Variants in PACRG observed in about 807,000 individuals in gnomAD.
PACRG encodes parkin coregulated gene protein.
Under a neutral mutation model 29.7 loss-of-function variants are expected in PACRG, and 29 were observed. The observed-to-expected ratio is 0.98, with a 90% CI of 0.73 to 1.33. The LOEUF is 1.33. PACRG is among the 40% of genes most tolerant of loss of function. The probability of loss-of-function intolerance (pLI) is 0.00; values close to 1 mark genes in which losing one functional copy is unlikely to be tolerated. For synonymous variants in PACRG, 116 were observed against 118.7 expected (o/e 0.98, Z 0.15); for missense variants, 279 against 316.2 (o/e 0.88, Z 0.89).
intron 2 of PACRG, among the ~76,000 whole-genome samples, chr6:162,829,868 C>T (rs1199357417): frequency 6.6e-6 from 1 of 152,114 alleles, no homozygotes; most frequent in Non-Finnish European, 1.5e-5. Context: ...GCTGTCCTGA[C>T]CCTGTCATCA....
intron 4 of PACRG, among the ~76,000 whole-genome samples, chr6:163,275,916 C>T (rs1784005991): frequency 6.6e-6 from 1 of 152,148 alleles, no homozygotes; most frequent in Non-Finnish European, 1.5e-5. Context: ...CACTGGGACA[C>T]TGTTCCCGGC....
chr6:162,978,928 A>G (rs900403201), intron 2 of PACRG, among the ~76,000 whole-genome samples: 6 of 152,184 alleles, frequency 3.9e-5, no homozygotes, highest in African/African-American at 1.4e-4. Flanking sequence ...TTCCCGGATA[A>G]AGGTAGCTGA....
At chr6:163,130,381 C>T (rs955808365) in intron 4 of PACRG, among the ~76,000 whole-genome samples, 1 of 152,146 alleles carries the variant, frequency 6.6e-6, no homozygotes, top group African/African-American at 2.4e-5. Context: ...CCTCCCTTGG[C>T]CTTAAGTCAG....
At chr6:162,751,428 C>A (rs1449182434) in intron 1 of PACRG, among the ~76,000 whole-genome samples, 1 of 152,062 alleles carries the variant, frequency 6.6e-6, no homozygotes, top group African/African-American at 2.4e-5. Context: ...TGCTGTAATT[C>A]AGTTCAACTG....
At chr6:162,785,725 A>T (rs1023027384) in intron 1 of PACRG, among the ~76,000 whole-genome samples, 1 of 152,210 alleles carries the variant, frequency 6.6e-6, no homozygotes, top group African/African-American at 2.4e-5. Context: ...AAGAGAATCT[A>T]ATGCTACCAC....
chr6:162,931,233 G>A (rs1330788585), intron 2 of PACRG, among the ~76,000 whole-genome samples: 1 of 151,812 alleles, frequency 6.6e-6, no homozygotes, highest in Non-Finnish European at 1.5e-5. Context: ...TTTATCAGAT[G>A]TATGCTTTGC....
intron 4 of PACRG, among the ~76,000 whole-genome samples, chr6:163,262,872 C>A (rs929872029): frequency 3.4e-5 from 5 of 148,920 alleles, no homozygotes; most frequent in African/African-American, 1.2e-4. Context: ...TGAGACCCCC[C>A]CCCCCATGTC....
At chr6:163,070,281 T>C (rs550363775) in intron 3 of PACRG, among the ~76,000 whole-genome samples, 3 of 152,216 alleles carry the variant, frequency 2.0e-5, no homozygotes, top group African/African-American at 7.2e-5. Context: ...GCACTGTTAT[T>C]GTGGTGTACA....
chr6:163,018,269 T>C (rs545346823), intron 2 of PACRG, among the ~76,000 whole-genome samples: 12 of 152,324 alleles, frequency 7.9e-5, no homozygotes, highest in Admixed American at 3.9e-4. Flanking sequence ...CAAAGCATTA[T>C]AGCCATACTT....
intron 4 of PACRG, among the ~76,000 whole-genome samples, chr6:163,296,248 C>T (rs1328187161): frequency 1.3e-5 from 2 of 152,090 alleles, no homozygotes; most frequent in African/African-American, 4.8e-5. Context: ...ACAATCATAA[C>T]AGGACTTAAA....
intron 4 of PACRG, among the ~76,000 whole-genome samples, chr6:163,177,017 G>A (rs1779393417): frequency 6.6e-6 from 1 of 152,162 alleles, no homozygotes; most frequent in Non-Finnish European, 1.5e-5. Context: ...GAGTTGAGGT[G>A]GATTCAGGTG....
At chr6:163,186,470 G>A (rs960745233) in intron 4 of PACRG, among the ~76,000 whole-genome samples, 9 of 152,048 alleles carry the variant, frequency 5.9e-5, no homozygotes, top group Non-Finnish European at 8.8e-5. Flanking sequence ...TTCTAAACTT[G>A]CCACCTCTGT....
intron 4 of PACRG, among the ~76,000 whole-genome samples, chr6:163,294,451 A>G (rs1784720050): frequency 6.6e-6 from 1 of 152,208 alleles, no homozygotes; most frequent in African/African-American, 2.4e-5. Context: ...AATGTAGTCA[A>G]TAAAGGTCAG....
chr6:163,279,399 T>C (rs1784154255), intron 4 of PACRG, among the ~76,000 whole-genome samples: 1 of 152,220 alleles, frequency 6.6e-6, no homozygotes, highest in Non-Finnish European at 1.5e-5. Context: ...TCATTTTACA[T>C]TCCCTATTGC....
At chr6:162,895,329 T>C (rs1947947622) in intron 2 of PACRG, among the ~76,000 whole-genome samples, 1 of 150,156 alleles carries the variant, frequency 6.7e-6, no homozygotes, top group African/African-American at 2.5e-5. Flanking sequence ...TTTCAGGTGA[T>C]AATTCCTAAT....
At chr6:163,243,414 G>C (rs914840732) in intron 4 of PACRG, among the ~76,000 whole-genome samples, 1 of 152,204 alleles carries the variant, frequency 6.6e-6, no homozygotes, top group South Asian at 2.1e-4. Context: ...GTACCCAAGC[G>C]TATGCCTGCA....
chr6:162,779,541 G>C (rs1229288684), intron 1 of PACRG, among the ~76,000 whole-genome samples: 1 of 152,114 alleles, frequency 6.6e-6, no homozygotes, highest in Admixed American at 6.5e-5. Flanking sequence ...AGGCTTCCCT[G>C]GTTTGTGGCA....
intron 4 of PACRG, among the ~76,000 whole-genome samples, chr6:163,299,373 A>T (rs1036014487): frequency 7.2e-5 from 11 of 152,164 alleles, no homozygotes; most frequent in Middle Eastern, 6.8e-3. Context: ...CCTTCCCACC[A>T]CCCAAGCCCC....
intron 4 of PACRG, chr6:163,095,529 T>C: frequency 1.3e-6 from 1 of 796,164 alleles, no homozygotes; most frequent in Non-Finnish European, 1.5e-6. Context: ...AGGCTACGAG[T>C]TAAAGATCAA....
Sources: gnomAD v4.1 joint callset for allele counts (sites outside exome capture counted in the v4.1 genomes callset) on GRCh38, gnomAD v4.1.1 for gene constraint, MANE v1.5 for transcripts, NCBI Gene and HGNC (gene_info 2026-07-23, HGNC 2026-07-21) for gene names.